The following DYNLT2B variants were observed in gnomAD, a reference collection of about 807,000 sequenced individuals.
DYNLT2B encodes the protein dynein light chain Tctex-type 2B.
In DYNLT2B, 14 loss-of-function variants were observed where a neutral mutation model predicts 19.5. That is an observed-to-expected ratio of 0.72 (90% confidence interval 0.47 to 1.12). The LOEUF (loss-of-function observed/expected upper bound fraction) is 1.12. Ranked by LOEUF, DYNLT2B falls within the 50% of genes most tolerant of loss-of-function variation. DYNLT2B has a pLI of 0.00. For synonymous variants in DYNLT2B, 70 were observed against 59.7 expected, an observed-to-expected ratio of 1.17 and a Z score of -0.79; for missense variants, 133 against 174.7, an observed-to-expected ratio of 0.76 and a Z score of 1.35.
At position 196,291,268 on chromosome 3, in the gene DYNLT2B, T is replaced by C. The variant is rs1726087182; in HGVS notation, c.*59A>G. 6.8e-7 allele frequency: 1 copy of C among 1,469,712 alleles called. No homozygotes were observed. The highest frequency in any genetic ancestry group is 9.3e-7 in the Non-Finnish European group (1 of 1,071,514). The allele number at this position is 1,469,712 out of a possible 1,614,324, so 91.0% of individuals were successfully genotyped here. On this transcript the variant is annotated 3_prime_UTR_variant, in exon 5 of 5. Coordinates refer to ENST00000325318, the MANE Select transcript of DYNLT2B (RefSeq NM_152773.5). Reference sequence around the variant, plus strand: ...TTTATTTTGTCAAGATATTTAACAATATTAAAAAGTTCAGATTTCTTCATG... The same window carrying C: ...TTTATTTTGTCAAGATATTTAACAACATTAAAAAGTTCAGATTTCTTCATG...
At chr3:196,296,577 G>C (rs1726227151) in intron 3 of DYNLT2B, among the ~76,000 whole-genome samples, 2 of 151,106 alleles carry the variant, frequency 1.3e-5, no homozygotes, top group African/African-American at 4.8e-5. Flanking sequence ...GCAATTCTTG[G>C]ATAAGAAAAA....
At chr3:196,301,121 A>G (rs1726343061) in intron 3 of DYNLT2B, among the ~76,000 whole-genome samples, 1 of 152,184 alleles carries the variant, frequency 6.6e-6, no homozygotes, top group Admixed American at 6.5e-5. Context: ...CAACTCTCAG[A>G]TGAGTTGGCA....
chr3:196,296,928 A>C (rs1187858357), intron 3 of DYNLT2B, among the ~76,000 whole-genome samples: 1 of 148,624 alleles, frequency 6.7e-6, no homozygotes, highest in Non-Finnish European at 1.5e-5. Context: ...CCTGGCTCTT[A>C]AAAAAAAAAC....
At chr3:196,299,639 T>C (rs1272760695) in intron 3 of DYNLT2B, among the ~76,000 whole-genome samples, 1 of 151,962 alleles carries the variant, frequency 6.6e-6, no homozygotes, top group Non-Finnish European at 1.5e-5. Context: ...TTTCAAGACA[T>C]GCTGAATTCA....
chr3:196,300,174 G>A (rs549839574), intron 3 of DYNLT2B, among the ~76,000 whole-genome samples: 3 of 152,146 alleles, frequency 2.0e-5, no homozygotes, highest in Non-Finnish European at 2.9e-5. Context: ...CTTCATTTTA[G>A]TTCAATGAAA....
At position 196,318,191 on chromosome 3, in the gene DYNLT2B, G is replaced by T; in HGVS notation, c.-39C>A. 1 of 1,286,930 alleles carries T rather than the reference G, an allele frequency of 7.8e-7. No individual in the cohort carries two copies. Among genetic ancestry groups the T allele is most frequent in the Non-Finnish European group, 1.0e-6 (1 of 958,444 alleles). The allele number at this position is 1,286,930 out of a possible 1,614,324, so 79.7% of individuals were successfully genotyped here. On this transcript the variant is annotated 5_prime_UTR_variant, in exon 1 of 5. Coordinates refer to ENST00000325318, the MANE Select transcript of DYNLT2B (RefSeq NM_152773.5). ...GGTCCGGGCGTAGCTCGCGATGAAGGCCTAGCGGGTTGCGGTCGCGGCCGG... is the reference window on the plus strand; with the variant it reads ...GGTCCGGGCGTAGCTCGCGATGAAGTCCTAGCGGGTTGCGGTCGCGGCCGG...
intron 2 of DYNLT2B, among the ~76,000 whole-genome samples, chr3:196,312,310 G>A (rs562802066): frequency 4.8e-4 from 73 of 152,234 alleles, no homozygotes; most frequent in African/African-American, 1.6e-3. Flanking sequence ...GAGCCACCAC[G>A]TCCAGCCAAA....
chr3:196,298,572 C>A (rs1726276689), intron 3 of DYNLT2B, among the ~76,000 whole-genome samples: 1 of 151,984 alleles, frequency 6.6e-6, no homozygotes, highest in Non-Finnish European at 1.5e-5. Flanking sequence ...CCTCAGCCTC[C>A]CAAAGTGCTG....
At chr3:196,302,705 C>T (rs1411394698) in intron 3 of DYNLT2B, among the ~76,000 whole-genome samples, 1 of 152,038 alleles carries the variant, frequency 6.6e-6, no homozygotes, top group East Asian at 1.9e-4. Flanking sequence ...GTGGGCTGCA[C>T]ACGATGATTT....
chr3:196,315,993 C>G (rs1315138513), intron 2 of DYNLT2B, 105 bp downstream of exon 2: 2 of 1,301,266 alleles, frequency 1.5e-6, no homozygotes, highest in Non-Finnish European at 2.1e-6. Flanking sequence ...GCGTGAGCCA[C>G]CACACCTGGC....
chr3:196,298,974 C>G (rs1205642255), intron 3 of DYNLT2B, among the ~76,000 whole-genome samples: 1 of 152,142 alleles, frequency 6.6e-6, no homozygotes, highest in Non-Finnish European at 1.5e-5. Context: ...TGCAGTGGCA[C>G]GATCTCAGCT....
Position 196,316,347 on chromosome 3 carries a change from A to AT in DYNLT2B, c.114-117dup, listed in dbSNP as rs61388787. The AT allele has an allele frequency of 0.059, 62,066 of 1,046,880 alleles. 2,258 individuals are homozygous for AT. The highest frequency in any genetic ancestry group is 0.12 in the Middle Eastern group (525 of 4,510). The allele number at this position is 1,046,880 out of a possible 1,614,324, so 64.8% of individuals were successfully genotyped here. A position where few individuals can be genotyped will look rare whatever the true frequency, so the allele number is the denominator to read the frequency against. On this transcript the variant is annotated intron_variant, in intron 1 of 4. Transcript: ENST00000325318. ...GTACCACTTAATCCTTCTTTTTCAT[A>AT]TTTTTTATTATAAAATATAAACAAA...
chr3:196,315,812 C>T (rs1321335040), intron 2 of DYNLT2B, among the ~76,000 whole-genome samples: 1 of 152,114 alleles, frequency 6.6e-6, no homozygotes, highest in African/African-American at 2.4e-5. Flanking sequence ...GCGGAGTTTG[C>T]AGTGAGCCAA....
intron 3 of DYNLT2B, among the ~76,000 whole-genome samples, chr3:196,306,628 A>T (rs1404391519): frequency 6.6e-6 from 1 of 152,034 alleles, no homozygotes; most frequent in Non-Finnish European, 1.5e-5. Flanking sequence ...GGCTCACTGC[A>T]ACCTCCACCT....
intron 3 of DYNLT2B, 125 bp from the exon 4 acceptor site, chr3:196,296,194 G>T: frequency 1.3e-6 from 1 of 789,044 alleles, no homozygotes; most frequent in Non-Finnish European, 2.2e-6. Flanking sequence ...CCTTTCACAG[G>T]TAGGTACCCA....
chr3:196,293,626 AAAAC>A (rs112774319), intron 4 of DYNLT2B, among the ~76,000 whole-genome samples: 9 of 144,696 alleles, frequency 6.2e-5, no homozygotes, highest in Non-Finnish European at 1.0e-4. Context: ...ACTCCGTCTC[AAAAC>A]AAACAAACAA....
intron 3 of DYNLT2B, among the ~76,000 whole-genome samples, chr3:196,303,303 G>A (rs919239491): frequency 1.1e-4 from 17 of 152,122 alleles, no homozygotes; most frequent in African/African-American, 4.1e-4. Flanking sequence ...ATAAAACTCC[G>A]GTCTCCCGCA....
chr3:196,295,289 T>C (rs1726194588), intron 4 of DYNLT2B, among the ~76,000 whole-genome samples: 2 of 152,136 alleles, frequency 1.3e-5, no homozygotes, highest in Admixed American at 6.6e-5. Context: ...GCCTCCTGAG[T>C]AGCTGGGATT....
chr3:196,316,398 G>GT (rs1371680012), intron 1 of DYNLT2B, among the ~76,000 whole-genome samples, 167 bp from the exon 2 acceptor site: 1 of 151,908 alleles, frequency 6.6e-6, no homozygotes, highest in African/African-American at 2.4e-5. Context: ...GGCCACATGT[G>GT]TATCTTCAAC....
Sources: allele counts gnomAD v4.1 joint callset (sites outside exome capture counted in the v4.1 genomes callset), GRCh38; gene constraint gnomAD v4.1.1; transcripts MANE v1.5; gene names NCBI Gene and HGNC (gene_info 2026-07-23, HGNC 2026-07-21).